ARHGEF10: variants seen among roughly 807,000 people sequenced by gnomAD.
ARHGEF10 encodes Rho guanine nucleotide exchange factor 10.
In ARHGEF10, 140 loss-of-function variants were observed where a neutral mutation model predicts 147.4. That is an observed-to-expected ratio of 0.95 (90% CI 0.83 to 1.09). The LOEUF (loss-of-function observed/expected upper bound fraction) is 1.09, where lower values mean the gene tolerates loss of function less well. ARHGEF10 is among the 50% of genes least tolerant of loss of function. The pLI, the probability that ARHGEF10 is intolerant of heterozygous loss-of-function variation, is 0.00. For synonymous variants in ARHGEF10, 902 were observed against 695.8 expected (o/e 1.30, Z -4.67); for missense variants, 2,222 against 1,752.7 (o/e 1.27, Z -4.78).
rs1212937946 is a variant in ARHGEF10, at chr8:1,823,975, C to CGGGGTCGCGGGGGACGCG, written c.-181_-164dup. On this transcript the variant is annotated 5_prime_UTR_variant, in exon 1 of 29. Coordinates refer to ENST00000349830, the MANE Select transcript of ARHGEF10 (RefSeq NM_014629.4). ...CGGCGGGCGCGCGATCCGGGACGGA[C>CGGGGTCGCGGGGGACGCG]GGGGTCGCGGGGGACGCGGGGGACG... The CGGGGTCGCGGGGGACGCG allele has an allele frequency of 1.7e-4, 16 of 93,784 alleles. No individual in the cohort carries two copies. Among genetic ancestry groups the CGGGGTCGCGGGGGACGCG allele is most frequent in the Non-Finnish European group, 2.9e-4 (14 of 48,714 alleles). 5.8% of individuals were successfully genotyped at this position (93,784 alleles called of 1,614,324 possible). A position where few individuals can be genotyped will look rare whatever the true frequency, so the allele number is the denominator to read the frequency against.
At chr8:1,953,839 G>C (rs1815258924) in intron 28 of ARHGEF10, among the ~76,000 whole-genome samples, 1 of 152,084 alleles carries the variant, frequency 6.6e-6, no homozygotes, top group African/African-American at 2.4e-5. Context: ...GTCAGCCAGG[G>C]GGAAATACTA....
chr8:1,907,774 A>T (rs1045832135), intron 17 of ARHGEF10, among the ~76,000 whole-genome samples: 3 of 152,152 alleles, frequency 2.0e-5, no homozygotes, highest in Non-Finnish European at 4.4e-5. Context: ...GGTGAGTCGC[A>T]ATTCCTTTCC....
At chr8:1,832,747 CAGAG>C (rs1803249744) in intron 1 of ARHGEF10, among the ~76,000 whole-genome samples, 1 of 11,078 alleles carries the variant, frequency 9.0e-5, no homozygotes, top group Non-Finnish European at 2.2e-4. Context: ...GAGGCAGAGG[CAGAG>C]ACAGAGACAG....
intron 27 of ARHGEF10, among the ~76,000 whole-genome samples, chr8:1,949,883 A>T (rs578139666): frequency 6.6e-6 from 1 of 152,136 alleles, no homozygotes; most frequent in African/African-American, 2.4e-5. Flanking sequence ...CCCTGGTAGC[A>T]TTCCCTCCCA....
intron 1 of ARHGEF10, chr8:1,826,078 G>A (rs1447965637): frequency 1.9e-6 from 3 of 1,588,838 alleles, no homozygotes; most frequent in Non-Finnish European, 2.6e-6. Context: ...AGCCAACATC[G>A]GCAGTTACGG....
rs1563247861 is a variant in ARHGEF10, at chr8:1,894,377, G to A, written c.1261-16G>A. 1 of 1,613,912 alleles carries A rather than the reference G, an allele frequency of 6.2e-7. No homozygotes were observed. The highest frequency in any genetic ancestry group is 1.6e-4 in the Middle Eastern group (1 of 6,062). On this transcript the variant is annotated splice_polypyrimidine_tract_variant and intron_variant, in intron 12 of 28. Transcript: ENST00000349830. ...AAAAAGAAAAGTCTGAACTGTCTTT[G>A]CTCATTTTGTCTTAGCAATATGAGA...
intron 1 of ARHGEF10, among the ~76,000 whole-genome samples, chr8:1,839,817 GCTGTCTGGTGTGGGGA>G: frequency 8.1e-6 from 1 of 123,422 alleles, no homozygotes; most frequent in Non-Finnish European, 1.6e-5. Context: ...TTGTGTGGAA[GCTGTCTGGTGTGGGGA>G]CTGTCTGGTG....
At chr8:1,947,396 C>T (rs1814679911) in intron 27 of ARHGEF10, among the ~76,000 whole-genome samples, 1 of 152,144 alleles carries the variant, frequency 6.6e-6, no homozygotes, top group Non-Finnish European at 1.5e-5. Flanking sequence ...ATGCAGCGGC[C>T]CTGCAGGATC....
intron 9 of ARHGEF10, among the ~76,000 whole-genome samples, chr8:1,880,922 C>CG (rs201138449): frequency 9.6e-4 from 146 of 152,314 alleles, no homozygotes; most frequent in African/African-American, 3.4e-3. Context: ...CAGCCACAGC[C>CG]GCCCCCTGGG....
At chr8:1,823,449 TG>T (rs1180908395), upstream of ARHGEF10, among the ~76,000 whole-genome samples, 374 of 149,108 alleles carry the variant, frequency 2.5e-3, 1 homozygote, top group African/African-American at 4.8e-3. Flanking sequence ...GGCGATGTTC[TG>T]GGGGGGGGAG....
intron 2 of ARHGEF10, among the ~76,000 whole-genome samples, chr8:1,848,131 G>A (rs892393923): frequency 3.9e-5 from 6 of 152,224 alleles, no homozygotes; most frequent in African/African-American, 1.4e-4. Context: ...AAAGAAAACA[G>A]AAAATTGAAG....
chr8:1,872,986 C>T (rs928385091), intron 7 of ARHGEF10, among the ~76,000 whole-genome samples: 7 of 152,308 alleles, frequency 4.6e-5, no homozygotes, highest in African/African-American at 1.4e-4. Flanking sequence ...GTAATTTATC[C>T]GGTCGCTTCG....
At chr8:1,851,465 T>TCACACAGAAGGCACAG (rs1805144674) in intron 2 of ARHGEF10, among the ~76,000 whole-genome samples, 1 of 151,672 alleles carries the variant, frequency 6.6e-6, no homozygotes, top group Non-Finnish European at 1.5e-5. Flanking sequence ...TGTTGGCTTC[T>TCACACAGAAGGCACAG]CAGTTGCAAC....
intron 1 of ARHGEF10, among the ~76,000 whole-genome samples, chr8:1,835,765 G>A (rs541649508): frequency 6.6e-6 from 1 of 152,326 alleles, no homozygotes; most frequent in East Asian, 1.9e-4. Flanking sequence ...CGCAGTGGCT[G>A]TGCTGTGTGT....
At chr8:1,861,499 G>A (rs1336656236) in intron 4 of ARHGEF10, among the ~76,000 whole-genome samples, 1 of 152,164 alleles carries the variant, frequency 6.6e-6, no homozygotes. Context: ...TCCCAGGAAC[G>A]CGCTGCAGGA....
In ARHGEF10 at chr8:1,887,831, T is replaced by C. The variant is rs567580177; in HGVS notation, c.1182+2124T>C. ...GGGAGATGCTGAGGAGAGGTGAAAGTTCTGAGGAGACACTGAGTGGGATGT... is the reference window on the plus strand; with the variant it reads ...GGGAGATGCTGAGGAGAGGTGAAAGCTCTGAGGAGACACTGAGTGGGATGT... On this transcript the variant is annotated intron_variant, in intron 11 of 28. Coordinates refer to ENST00000349830, the MANE Select transcript of ARHGEF10 (RefSeq NM_014629.4). 4.0e-5 allele frequency among the ~76,000 whole-genome samples: 5 copies of C among 126,404 alleles called. No homozygotes were observed. The South Asian group carries it at 1.4e-3, about 36-fold the overall frequency. 82.9% of individuals were successfully genotyped at this position (126,404 alleles called of 152,430 possible). A position where few individuals can be genotyped will look rare whatever the true frequency, so the allele number is the denominator to read the frequency against.
At chr8:1,823,452 G>GGT (rs1802521318), upstream of ARHGEF10, among the ~76,000 whole-genome samples, 2 of 151,122 alleles carry the variant, frequency 1.3e-5, no homozygotes, top group African/African-American at 4.9e-5. Context: ...GATGTTCTGG[G>GGT]GGGGGGAGCG....
At chr8:1,926,344 T>C (rs371652556) in intron 22 of ARHGEF10, 33 bp from the exon 23 acceptor site, 6 of 1,574,144 alleles carry the variant, frequency 3.8e-6, no homozygotes, top group Non-Finnish European at 5.2e-6. Flanking sequence ...AGCTCTGTTT[T>C]ATATGTGAGC....
At chr8:1,890,723 G>A (rs1418482500) in intron 11 of ARHGEF10, among the ~76,000 whole-genome samples, 1 of 151,990 alleles carries the variant, frequency 6.6e-6, no homozygotes, top group Admixed American at 6.6e-5. Context: ...GGTGTCACTG[G>A]GTAAGAGTCG....
Sources: gnomAD v4.1 joint callset for allele counts (sites outside exome capture counted in the v4.1 genomes callset) on GRCh38, gnomAD v4.1.1 for gene constraint, MANE v1.5 for transcripts, NCBI Gene and HGNC (gene_info 2026-07-23, HGNC 2026-07-21) for gene names.